The following RASGEF1C variants were observed in gnomAD, a reference collection of about 807,000 sequenced individuals.
The protein encoded by RASGEF1C is RasGEF domain family member 1C, also known as ras-GEF domain-containing family member 1C.
A neutral mutation model predicts 58.1 loss-of-function variants in RASGEF1C; 27 were observed. The observed-to-expected ratio is 0.46, with a 90% CI of 0.34 to 0.64. RASGEF1C has a LOEUF of 0.64. RASGEF1C is among the 30% of genes least tolerant of loss of function. The probability of loss-of-function intolerance (pLI) is 0.01; values close to 1 mark genes in which losing one functional copy is unlikely to be tolerated. For synonymous variants in RASGEF1C, 243 were observed against 246.3 expected (o/e 0.99, Z 0.13); for missense variants, 502 against 605.1 (o/e 0.83, Z 1.79).
rs367620833 is a variant in RASGEF1C at position 180,143,179 on chromosome 5, C to T, written c.-6-5121G>A. ...CAGGCAGACAGGGGACAGGATCCCA[C>T]GTGCCACCCTGCAGGGGGGCACTCT... On this transcript the variant is annotated intron_variant, in intron 1 of 13. Transcript: ENST00000361132. The surrounding 1 kb of genome is among the most constrained non-coding windows in gnomAD (Gnocchi z 4.3). Among the ~76,000 whole-genome samples, 11 of 152,158 alleles carry T rather than the reference C, an allele frequency of 7.2e-5. No individual in the cohort carries two copies. Among genetic ancestry groups the T allele is most frequent in the African/African-American group, 1.2e-4 (5 of 41,440 alleles).
At chr5:180,149,410 G>C (rs1443185297) in intron 1 of RASGEF1C, among the ~76,000 whole-genome samples, 1 of 151,002 alleles carries the variant, frequency 6.6e-6, no homozygotes. Context: ...TAAGGTTTCC[G>C]TGGGAAATTT....
At position 180,198,892 on chromosome 5, in the gene RASGEF1C, T is replaced by G. The variant is rs978860422; in HGVS notation, c.-7+10136A>C. The stretch of plus-strand genomic sequence containing the variant: ...GAGTAGGAACCCAGGGAGGCAGAGC[T>G]GGGCCCACAGGTCCAGGCCTTGAGG... On this transcript the variant is annotated intron_variant, in intron 1 of 13. Transcript: ENST00000361132. This position sits in a 1 kb window ranked among gnomAD's most constrained non-coding sequence, Gnocchi z 4.5. Among the ~76,000 whole-genome samples, 1 of 152,030 alleles carries G rather than the reference T, an allele frequency of 6.6e-6. No homozygotes were observed. The highest frequency in any genetic ancestry group is 1.5e-5 in the Non-Finnish European group (1 of 67,980).
chr5:180,124,614 C>T (rs906203698), intron 6 of RASGEF1C, among the ~76,000 whole-genome samples: 1 of 151,922 alleles, frequency 6.6e-6, no homozygotes. Context: ...CACTTGAGGT[C>T]GGGAGTTCGG....
In RASGEF1C at chr5:180,209,058, G is replaced by A. The variant is rs1323295783; in HGVS notation, c.-37C>T. ...CCCGGCGCGCCGGAACTCCGGGCCC[G>A]GCCCATGGGCAGCTCCCGGTGCGAG... On this transcript the variant is annotated 5_prime_UTR_variant, in exon 1 of 14. Coordinates refer to ENST00000361132, the MANE Select transcript of RASGEF1C (RefSeq NM_175062.4). 4.2e-5 allele frequency: 6 copies of A among 144,578 alleles called. No individual in the cohort carries two copies. Among genetic ancestry groups the A allele is most frequent in the African/African-American group, 1.5e-4 (6 of 39,784 alleles). The allele number at this position is 144,578 out of a possible 1,614,324, so 9.0% of individuals were successfully genotyped here. A position where few individuals can be genotyped will look rare whatever the true frequency, so the allele number is the denominator to read the frequency against.
intron 1 of RASGEF1C, among the ~76,000 whole-genome samples, chr5:180,151,482 T>A (rs1191181613): frequency 6.6e-5 from 10 of 152,192 alleles, no homozygotes; most frequent in Non-Finnish European, 1.2e-4. Context: ...ATTCCCTATT[T>A]AATAAATGGT....
chr5:180,202,022 T>C (rs1333727483), intron 1 of RASGEF1C, among the ~76,000 whole-genome samples: 1 of 152,030 alleles, frequency 6.6e-6, no homozygotes, highest in Non-Finnish European at 1.5e-5. Flanking sequence ...AATCCCTACA[T>C]TATACATTCA....
At chr5:180,107,475 G>A (rs1765889515) in intron 12 of RASGEF1C, among the ~76,000 whole-genome samples, 1 of 152,094 alleles carries the variant, frequency 6.6e-6, no homozygotes, top group African/African-American at 2.4e-5. Flanking sequence ...TTTGGCAATT[G>A]AAAAATGTGC....
intron 1 of RASGEF1C, among the ~76,000 whole-genome samples, chr5:180,166,178 G>A (rs559058737): frequency 4.1e-4 from 63 of 152,230 alleles, no homozygotes; most frequent in African/African-American, 1.5e-3. Flanking sequence ...CTAGAAACTT[G>A]CCACCCCGTA....
At chr5:180,136,776 T>TTC in intron 3 of RASGEF1C, 1 of 492,512 alleles carries the variant, frequency 2.0e-6, no homozygotes, top group East Asian at 3.7e-5. Flanking sequence ...GTCTTCGCGC[T>TTC]GCGGGGAGTG....
intron 11 of RASGEF1C, among the ~76,000 whole-genome samples, chr5:180,113,133 T>TC (rs1765991842): frequency 1.4e-5 from 1 of 72,372 alleles, no homozygotes. Context: ...GACGGAGGGA[T>TC]CGAGGATGGA....
At chr5:180,112,506 G>A (rs1428305831) in intron 11 of RASGEF1C, among the ~76,000 whole-genome samples, 1 of 152,226 alleles carries the variant, frequency 6.6e-6, no homozygotes, top group African/African-American at 2.4e-5. Flanking sequence ...AGAGACTGAG[G>A]CTCAGACAGA....
intron 1 of RASGEF1C, among the ~76,000 whole-genome samples, chr5:180,192,593 G>T (rs762738893): frequency 3.7e-4 from 56 of 152,130 alleles, no homozygotes; most frequent in Non-Finnish European, 6.5e-4. Context: ...TGGAACTGAT[G>T]AATTGTAGGC....
intron 1 of RASGEF1C, among the ~76,000 whole-genome samples, chr5:180,163,865 G>A (rs55808016): frequency 0.16 from 24,212 of 152,070 alleles, 2,101 homozygotes; most frequent in African/African-American, 0.2. Flanking sequence ...TCTCTTCCTG[G>A]AGATTTCTTT....
At chr5:180,207,790 G>A (rs1756515738) in intron 1 of RASGEF1C, among the ~76,000 whole-genome samples, 1 of 152,002 alleles carries the variant, frequency 6.6e-6, no homozygotes. Flanking sequence ...GATCTCACCC[G>A]CGCTGTTCCC....
chr5:180,202,883 T>C (rs1163334418), intron 1 of RASGEF1C, among the ~76,000 whole-genome samples: 1 of 152,072 alleles, frequency 6.6e-6, no homozygotes, highest in African/African-American at 2.4e-5. Context: ...TTTGTATTTT[T>C]AGTAGAGACG....
At chr5:180,174,884 C>G (rs1231824329) in intron 1 of RASGEF1C, among the ~76,000 whole-genome samples, 1 of 152,232 alleles carries the variant, frequency 6.6e-6, no homozygotes, top group Middle Eastern at 3.2e-3. Flanking sequence ...GTATGTCACT[C>G]AGCTAGAACA....
intron 1 of RASGEF1C, among the ~76,000 whole-genome samples, chr5:180,182,897 C>T (rs1755932293): frequency 6.6e-6 from 1 of 152,206 alleles, no homozygotes; most frequent in Non-Finnish European, 1.5e-5. Flanking sequence ...TGGATTCCTA[C>T]TCCCTGGTGT....
intron 6 of RASGEF1C, among the ~76,000 whole-genome samples, chr5:180,121,637 T>TCACACACACACACACACACACACACACA: frequency 8.8e-6 from 1 of 113,352 alleles, no homozygotes; most frequent in South Asian, 3.2e-4. Flanking sequence ...AAATGTAACT[T>TCACACACACACACACACACACACACACA]CACACACACA....
intron 1 of RASGEF1C, among the ~76,000 whole-genome samples, chr5:180,202,651 G>A (rs1756413582): frequency 6.6e-6 from 1 of 151,556 alleles, no homozygotes; most frequent in South Asian, 2.1e-4. Context: ...TATCCTTCAA[G>A]TAGCAAGAGT....
Sources: allele counts gnomAD v4.1 joint callset (sites outside exome capture counted in the v4.1 genomes callset), GRCh38; gene constraint gnomAD v4.1.1; non-coding constraint Gnocchi (gnomAD v3.1); transcripts MANE v1.5; gene names NCBI Gene and HGNC (gene_info 2026-07-23, HGNC 2026-07-21).